LRP1: variants seen among roughly 807,000 people sequenced by gnomAD.
LRP1 encodes the protein prolow-density lipoprotein receptor-related protein 1.
LRP1 carries 51 observed loss-of-function variants against 541.5 expected under a neutral mutation model. The ratio of observed to expected loss-of-function variants is 0.09; its 90% CI spans 0.08 to 0.12. The LOEUF is 0.12. Among genes scored for constraint, LRP1 ranks in the 10% least tolerant of loss-of-function variants. The pLI is 1.00. For synonymous variants in LRP1, 2,219 were observed against 2,470.8 expected (o/e 0.90, Z 3.02); for missense variants, 3,878 against 6,376.2 (o/e 0.61, Z 13.34).
intron 6 of LRP1, chr12:57,149,534 G>A (rs1031637984): frequency 1.5e-5 from 10 of 647,046 alleles, no homozygotes; most frequent in Non-Finnish European, 2.5e-5. Flanking sequence ...TTAGAGCCCG[G>A]CAAGGATTTC....
In LRP1 at chr12:57,205,466, C is replaced by T. The variant is rs760160599; in HGVS notation, c.11451C>T (p.Pro3817=). The T allele has an allele frequency of 5.4e-5, 87 of 1,610,754 alleles. No individual in the cohort carries two copies. The Admixed American group carries it at 6.5e-4, about 12-fold the overall frequency. ...GCCGCTCGGGCTTCCACACCGTGCC[C>T]GGCCAGCCCGGATGCCAAGGTAGGA... ...CACRSGFHTV[P]GQPGCQDINE... The change falls in exon 74 of 89, where the codon CCC becomes CCT. Residue 3817 remains proline (P), a synonymous_variant. Transcript: ENST00000243077. This position sits in a 1 kb window ranked among gnomAD's most constrained non-coding sequence, Gnocchi z 4.6.
Position 57,204,128 on chromosome 12 carries a change from A to C in LRP1, c.10952-282A>C. 3.0e-6 allele frequency: 1 copy of C among 331,496 alleles called. No individual in the cohort carries two copies. The highest frequency in any genetic ancestry group is 5.5e-6 in the Non-Finnish European group (1 of 181,796). The allele number at this position is 331,496 out of a possible 1,614,324, so 20.5% of individuals were successfully genotyped here. On this transcript the variant is annotated intron_variant, in intron 70 of 88. Transcript: ENST00000243077. This position sits in a 1 kb window ranked among gnomAD's most constrained non-coding sequence, Gnocchi z 5.3. Reference sequence around the variant, plus strand: ...AACTACACAGCCCAGTGCTGTTCCCACGTCCCCGCTGTGGAACTACACAGC... The same window carrying C: ...AACTACACAGCCCAGTGCTGTTCCCCCGTCCCCGCTGTGGAACTACACAGC...
chr12:57,140,289 G>T (rs138519539), intron 2 of LRP1, among the ~76,000 whole-genome samples: 1 of 152,098 alleles, frequency 6.6e-6, no homozygotes, highest in Non-Finnish European at 1.5e-5. Flanking sequence ...GCTTGTTGCT[G>T]TGGGGTTGGA....
Position 57,184,481 on chromosome 12 carries a change from G to T in LRP1, c.6186+29G>T. 1 of 1,613,638 alleles carries T rather than the reference G, an allele frequency of 6.2e-7. No individual in the cohort carries two copies. ...CGCACGCCAACTTGGCCTTGGATCC[G>T]ATGGTAGACCCCTGACCCAGGCTCC... On this transcript the variant is annotated intron_variant, in intron 38 of 88. Transcript: ENST00000243077. This position sits in a 1 kb window ranked among gnomAD's most constrained non-coding sequence, Gnocchi z 7.8.
In LRP1 at chr12:57,156,141, C is replaced by A; in HGVS notation, c.1275C>A (p.Ala425=). 1 of 1,614,018 alleles carries A rather than the reference C, an allele frequency of 6.2e-7. No homozygotes were observed. The highest frequency in any genetic ancestry group is 2.2e-5 in the East Asian group (1 of 44,832). The change falls in exon 9 of 89, where the codon GCC becomes GCA. Residue 425 remains alanine (A), a synonymous_variant. Transcript: ENST00000243077. This position sits in a 1 kb window ranked among gnomAD's most constrained non-coding sequence, Gnocchi z 5.2. ...GLTVFENYLY[A]TNSDNANAQQ... is the part of the protein sequence containing the mutation. ...CTGTGTTTGAGAATTATCTCTATGC[C>A]ACCAACTCGGACAATGCCAATGCCC... is the stretch of plus-strand genomic sequence containing the variant.
intron 1 of LRP1, among the ~76,000 whole-genome samples, chr12:57,130,946 G>T (rs935844893): frequency 3.3e-5 from 5 of 152,162 alleles, no homozygotes; most frequent in African/African-American, 1.2e-4. Flanking sequence ...TGCCTTGGGA[G>T]TGGGAATATA....
In LRP1 at chr12:57,158,308, C is replaced by T. The variant is rs2035660857; in HGVS notation, c.1562-94C>T. 1.1e-5 allele frequency: 11 copies of T among 1,012,626 alleles called. No homozygotes were observed. The East Asian group carries it at 2.6e-4, about 24-fold the overall frequency. The allele number at this position is 1,012,626 out of a possible 1,614,324, so 62.7% of individuals were successfully genotyped here. On this transcript the variant is annotated intron_variant, in intron 10 of 88. Transcript: ENST00000243077. The surrounding 1 kb of genome is among the most constrained non-coding windows in gnomAD (Gnocchi z 5.3). ...ATCCCTAACGTCTCCTGACCCATCACAGCTAGGGCATTGCAGCCCCTTGGC... is the reference window on the plus strand; with the variant it reads ...ATCCCTAACGTCTCCTGACCCATCATAGCTAGGGCATTGCAGCCCCTTGGC...
chr12:57,175,313 C>A (rs2136698037), intron 22 of LRP1, 147 bp from the exon 23 acceptor site: 1 of 934,672 alleles, frequency 1.1e-6, no homozygotes, highest in Non-Finnish European at 1.6e-6. Context: ...CAGCCTGAAG[C>A]TCAGCAGGAA....
In LRP1 at chr12:57,158,363, G is replaced by A. The variant is rs753683252; in HGVS notation, c.1562-39G>A. ...GCCCCTGGGTGGGGATGATGGTCATGTGTGTGTCTGACTGTACCCTGGCTT... is the reference window on the plus strand; with the variant it reads ...GCCCCTGGGTGGGGATGATGGTCATATGTGTGTCTGACTGTACCCTGGCTT... On this transcript the variant is annotated intron_variant, in intron 10 of 88. Coordinates refer to ENST00000243077, the MANE Select transcript of LRP1 (RefSeq NM_002332.3). The surrounding 1 kb of genome is among the most constrained non-coding windows in gnomAD (Gnocchi z 5.3). 5.9e-6 allele frequency: 9 copies of A among 1,517,296 alleles called. No homozygotes were observed. Among genetic ancestry groups the A allele is most frequent in the Non-Finnish European group, 7.2e-6 (8 of 1,107,188 alleles). The allele number at this position is 1,517,296 out of a possible 1,614,324, so 94.0% of individuals were successfully genotyped here.
Position 57,193,198 on chromosome 12 carries a change from A to G in LRP1, c.7578A>G (p.Ala2526=), listed in dbSNP as rs2036453801. ...CAGCGGTGAATTCCTCTTGCCGAGC[A>G]CAAGATGAGTTTGAGTGTGCCAATG... ...TCRAVNSSCR[A]QDEFECANGE... Residue 2526 remains alanine (A), a synonymous_variant, in exon 46 of 89, where the codon GCA becomes GCG. Transcript: ENST00000243077. The G allele has an allele frequency of 6.2e-7, 1 of 1,614,030 alleles. No individual in the cohort carries two copies. Among genetic ancestry groups the G allele is most frequent in the South Asian group, 1.1e-5 (1 of 91,090 alleles).
chr12:57,180,684 G>A lies in LRP1; in HGVS notation c.5404G>A (p.Ala1802Thr), dbSNP rs774111664. The change falls in exon 33 of 89, where the codon GCT becomes ACT. Residue 1802 changes from alanine (A) to threonine (T), a missense_variant. Coordinates refer to ENST00000243077, the MANE Select transcript of LRP1 (RefSeq NM_002332.3). Reference sequence around the variant, plus strand: ...TGCCCCAGGGGACAAGCTGTGGTGGGCTGATCAGGTGTCGGAAAAGATGGG... The same window carrying A: ...TGCCCCAGGGGACAAGCTGTGGTGGACTGATCAGGTGTCGGAAAAGATGGG... Reference protein sequence around the residue: ...LAIMGDKLWWADQVSEKMGTC... With the variant: ...LAIMGDKLWWTDQVSEKMGTC... The A allele has an allele frequency of 6.2e-7, 1 of 1,614,068 alleles. No homozygotes were observed. Among genetic ancestry groups the A allele is most frequent in the African/African-American group, 1.3e-5 (1 of 75,076 alleles).
chr12:57,208,025 G>T lies in LRP1; in HGVS notation c.11860-13G>T. ...ACAAAGCAGTGGCCCCTGAACCTGT[G>T]GCTTCCATTCAGATTTCAGGGCTGA... On this transcript the variant is annotated splice_polypyrimidine_tract_variant and intron_variant, in intron 76 of 88. Transcript: ENST00000243077. 1 of 1,612,872 alleles carries T rather than the reference G, an allele frequency of 6.2e-7. No individual in the cohort carries two copies. Among genetic ancestry groups the T allele is most frequent in the Non-Finnish European group, 8.5e-7 (1 of 1,179,134 alleles).
chr12:57,152,693 G>A (rs965518193), intron 6 of LRP1, among the ~76,000 whole-genome samples: 3 of 151,758 alleles, frequency 2.0e-5, no homozygotes, highest in Non-Finnish European at 4.4e-5. Context: ...CTGGGCTTGG[G>A]GATGCATGAA....
At position 57,193,469 on chromosome 12, in the gene LRP1, T is replaced by A; in HGVS notation, c.7685-97T>A. On this transcript the variant is annotated intron_variant, in intron 46 of 88. Coordinates refer to ENST00000243077, the MANE Select transcript of LRP1 (RefSeq NM_002332.3). ...TGTTAGCCTGGACTGGGCCTTTGGG[T>A]TTGGGGGTGGCCAGCTGGACACGTG... 1.2e-5 allele frequency: 18 copies of A among 1,535,518 alleles called. No individual in the cohort carries two copies. The South Asian group carries it at 2.2e-4, about 19-fold the overall frequency.
intron 44 of LRP1, 78 bp from the exon 45 acceptor site, chr12:57,192,767 T>A: frequency 6.3e-7 from 1 of 1,585,832 alleles, no homozygotes; most frequent in Non-Finnish European, 8.6e-7. Context: ...ATGAAGTCAG[T>A]GAATGGGTGG....
rs34492744 is a variant in LRP1, at chr12:57,162,453, C to T, written c.2339C>T (p.Thr780Ile). 1,800 of 1,614,108 alleles carry T rather than the reference C, an allele frequency of 1.1e-3. 17 individuals are homozygous for T. The African/African-American group carries it at 0.021, about 19-fold the overall frequency. ...GTAGGAGGCGCACCCCCCACTGTGACCCTTCTGCGCAGTGAGCGGCCCCCC... is the reference window on the plus strand; with the variant it reads ...GTAGGAGGCGCACCCCCCACTGTGATCCTTCTGCGCAGTGAGCGGCCCCCC... ...RGVGGAPPTVTLLRSERPPIF... is the reference protein window; with the variant it reads ...RGVGGAPPTVILLRSERPPIF... The change falls in exon 14 of 89, where the codon ACC (threonine) becomes ATC (isoleucine). Residue 780 changes from threonine to isoleucine, a missense_variant. Physicochemically the swap from Thr to Ile is moderately conservative, Grantham distance 89. Transcript: ENST00000243077. The surrounding 1 kb of genome is among the most constrained non-coding windows in gnomAD (Gnocchi z 5.2).
chr12:57,129,633 C>T (rs1447132089), intron 1 of LRP1, among the ~76,000 whole-genome samples: 1 of 152,206 alleles, frequency 6.6e-6, no homozygotes, highest in Non-Finnish European at 1.5e-5. Flanking sequence ...TTCCCCCTCT[C>T]AGGGCCTCTG....
Position 57,212,729 on chromosome 12 carries a change from A to G in LRP1, c.*174A>G. The G allele has an allele frequency of 4.4e-6, 3 of 684,878 alleles. No individual in the cohort carries two copies. The South Asian group carries it at 6.1e-5, about 14-fold the overall frequency. The allele number at this position is 684,878 out of a possible 1,614,324, so 42.4% of individuals were successfully genotyped here. A position where few individuals can be genotyped will look rare whatever the true frequency, so the allele number is the denominator to read the frequency against. On this transcript the variant is annotated 3_prime_UTR_variant, in exon 89 of 89. Transcript: ENST00000243077. This position sits in a 1 kb window ranked among gnomAD's most constrained non-coding sequence, Gnocchi z 5.0. ...CAAGCCGGCAAGCGAGCACAGTATT[A>G]TTTCTCCATCCCCTCCCTGCCTGCT...
intron 3 of LRP1, 151 bp from the exon 4 acceptor site, chr12:57,143,528 T>C: frequency 2.2e-6 from 2 of 892,650 alleles, no homozygotes; most frequent in Non-Finnish European, 3.3e-6. Context: ...TTGTGAAATA[T>C]GGTAGATGCT....
Sources: gnomAD v4.1 joint callset for allele counts (sites outside exome capture counted in the v4.1 genomes callset) on GRCh38, gnomAD v4.1.1 for gene constraint, Gnocchi (gnomAD v3.1) non-coding constraint, MANE v1.5 for transcripts, NCBI Gene and HGNC (gene_info 2026-07-23, HGNC 2026-07-21) for gene names.